The following SOS2 variants were observed in gnomAD, a reference collection of about 807,000 sequenced individuals.
SOS2 encodes son of sevenless homolog 2.
Under a neutral mutation model 148.2 loss-of-function variants are expected in SOS2, and 65 were observed. The observed-to-expected ratio is 0.44, with a 90% CI of 0.36 to 0.54. The LOEUF is 0.54. SOS2 is among the 20% of genes least tolerant of loss of function. The pLI is 0.00. For synonymous variants in SOS2, 539 were observed against 537.1 expected (o/e 1.00, Z -0.05); for missense variants, 1,341 against 1,590.2 (o/e 0.84, Z 2.67).
intron 18 of SOS2, among the ~76,000 whole-genome samples, chr14:50,137,562 T>A (rs1038296917): frequency 6.6e-6 from 1 of 152,220 alleles, no homozygotes; most frequent in African/African-American, 2.4e-5. Context: ...ATGTTTAACA[T>A]GCTATCTACT....
intron 7 of SOS2, among the ~76,000 whole-genome samples, chr14:50,175,428 CTTTT>C (rs71441277): frequency 8.3e-6 from 1 of 119,868 alleles, no homozygotes. Context: ...AGGAGTAATA[CTTTT>C]TTTTTTTTTT....
At chr14:50,170,765 A>G (rs536809055) in intron 8 of SOS2, among the ~76,000 whole-genome samples, 2 of 151,998 alleles carry the variant, frequency 1.3e-5, no homozygotes, top group African/African-American at 4.8e-5. Context: ...ATTAAAATCA[A>G]AACCACAATG....
chr14:50,197,999 CT>C (rs35683627), intron 4 of SOS2, among the ~76,000 whole-genome samples: 3,128 of 135,004 alleles, frequency 0.023, 58 homozygotes, highest in Non-Finnish European at 0.03. Context: ...GCTTTGCCAT[CT>C]TTTTTTTTTT....
intron 8 of SOS2, among the ~76,000 whole-genome samples, chr14:50,172,415 A>ACTGCTTTTTTTTT (rs1885392060): frequency 9.3e-5 from 2 of 21,524 alleles, no homozygotes; most frequent in Non-Finnish European, 1.8e-4. Context: ...CTCTTTATTC[A>ACTGCTTTTTTTTT]TTCCTTTTTT....
At chr14:50,183,493 T>A (rs946483962) in intron 5 of SOS2, among the ~76,000 whole-genome samples, 2 of 152,130 alleles carry the variant, frequency 1.3e-5, no homozygotes, top group Admixed American at 6.6e-5. Flanking sequence ...AAGAGAATTT[T>A]AAAAATCTCT....
chr14:50,194,411 TAAC>T (rs1886251325), intron 4 of SOS2, among the ~76,000 whole-genome samples: 1 of 150,958 alleles, frequency 6.6e-6, no homozygotes, highest in African/African-American at 2.4e-5. Context: ...ATGCCACTAA[TAAC>T]ATATGTTGGA....
In SOS2 at chr14:50,201,349, G is replaced by A. The variant is rs12882042; in HGVS notation, c.214-265C>T. ...GGAGTTTAGACCAGCCAGGCAACAC[G>A]GTGAAACCCCATCTCTATTAAAAAT... On this transcript the variant is annotated intron_variant, in intron 2 of 22. Transcript: ENST00000216373. Among the ~76,000 whole-genome samples the A allele has an allele frequency of 0.31, 46,994 of 151,718 alleles. 8,644 individuals carry two copies. Among genetic ancestry groups the A allele is most frequent in the Non-Finnish European group, 0.42 (28,743 of 67,880 alleles).
chr14:50,122,694 A>G (rs1883555979), intron 21 of SOS2, among the ~76,000 whole-genome samples: 1 of 152,210 alleles, frequency 6.6e-6, no homozygotes, highest in South Asian at 2.1e-4. Flanking sequence ...ACGGTAGGCA[A>G]TCAATAACCC....
intron 1 of SOS2, among the ~76,000 whole-genome samples, chr14:50,227,805 T>G (rs560745565): frequency 6.6e-6 from 1 of 152,282 alleles, no homozygotes; most frequent in Non-Finnish European, 1.5e-5. Context: ...TTGACAATGG[T>G]GACTTTGTCA....
In SOS2 at chr14:50,227,449, A is replaced by G. The variant is rs367709793; in HGVS notation, c.87+3748T>C. On this transcript the variant is annotated intron_variant, in intron 1 of 22. Coordinates refer to ENST00000216373, the MANE Select transcript of SOS2 (RefSeq NM_006939.4). ...TTTTTTTGAGACAGAGTCTTACTCC[A>G]TCGCCCATGCTGGAGTGCAGTGGCG... is the stretch of plus-strand genomic sequence containing the variant. Among the ~76,000 whole-genome samples the G allele has an allele frequency of 4.7e-5, 7 of 147,912 alleles. No homozygotes were observed. In the East Asian group the frequency reaches 1.4e-3, roughly 29 times the overall value.
intron 1 of SOS2, among the ~76,000 whole-genome samples, chr14:50,209,283 G>GTGTGTGTGTGTGTGTGTGTGTA (rs1886783179): frequency 2.3e-5 from 2 of 87,374 alleles, no homozygotes; most frequent in Non-Finnish European, 2.2e-5. Flanking sequence ...TCGTGTGTGT[G>GTGTGTGTGTGTGTGTGTGTGTA]TGTGTGTGTG....
chr14:50,170,525 A>C (rs1021005590), intron 8 of SOS2, among the ~76,000 whole-genome samples: 1 of 151,924 alleles, frequency 6.6e-6, no homozygotes, highest in Non-Finnish European at 1.5e-5. Context: ...ATCTCTACAA[A>C]AAATTTAAAA....
intron 5 of SOS2, among the ~76,000 whole-genome samples, chr14:50,184,385 T>C (rs1431039927): frequency 1.3e-5 from 2 of 152,220 alleles, no homozygotes; most frequent in Admixed American, 1.3e-4. Context: ...TTGTCCCTGG[T>C]TCCTGTCTTA....
At chr14:50,180,793 T>C in intron 6 of SOS2, 111 bp from the exon 7 acceptor site, 1 of 596,742 alleles carries the variant, frequency 1.7e-6, no homozygotes, top group Non-Finnish European at 2.9e-6. Context: ...CAGTGAGCTA[T>C]GATTGTGCCA....
At chr14:50,119,336 A>T (rs547737122) in intron 22 of SOS2, among the ~76,000 whole-genome samples, 2 of 152,164 alleles carry the variant, frequency 1.3e-5, no homozygotes, top group African/African-American at 4.8e-5. Context: ...GCCCCATCCT[A>T]GACTACTGAA....
chr14:50,118,851 T>G lies in SOS2; in HGVS notation c.3492A>C (p.Gly1164=). 1 of 1,311,402 alleles carries G rather than the reference T, an allele frequency of 7.6e-7. No homozygotes were observed. The highest frequency in any genetic ancestry group is 9.8e-7 in the Non-Finnish European group (1 of 1,016,808). 81.2% of individuals were successfully genotyped at this position (1,311,402 alleles called of 1,614,324 possible). ...GAGGATCATCATCAGATTTCATATT[T>G]CCCTCAAAAAAAAAAGTAATTAAAT... ...KFDHDASNSK[G]NMKSDDDPPA... Residue 1164 remains glycine, a splice_region_variant and synonymous_variant, in exon 23 of 23, where the codon GGA becomes GGC. Coordinates refer to ENST00000216373, the MANE Select transcript of SOS2 (RefSeq NM_006939.4).
intron 1 of SOS2, among the ~76,000 whole-genome samples, chr14:50,218,323 G>A (rs1332453404): frequency 6.7e-6 from 1 of 150,358 alleles, no homozygotes; most frequent in Non-Finnish European, 1.5e-5. Flanking sequence ...AAGAGTTTGA[G>A]ATCAGCCTGG....
At chr14:50,199,068 G>A (rs1339628193) in intron 4 of SOS2, among the ~76,000 whole-genome samples, 1 of 152,160 alleles carries the variant, frequency 6.6e-6, no homozygotes, top group South Asian at 2.1e-4. Context: ...TAGGAGGATC[G>A]CTTGAGCCAG....
At chr14:50,162,193 C>T (rs1337446838) in intron 8 of SOS2, among the ~76,000 whole-genome samples, 3 of 152,078 alleles carry the variant, frequency 2.0e-5, no homozygotes, top group African/African-American at 7.2e-5. Flanking sequence ...TTACTCACTC[C>T]GTCACCAAGG....
Sources: allele counts gnomAD v4.1 joint callset (sites outside exome capture counted in the v4.1 genomes callset), GRCh38; gene constraint gnomAD v4.1.1; transcripts MANE v1.5; gene names NCBI Gene and HGNC (gene_info 2026-07-23, HGNC 2026-07-21).